Variants in C1QTNF3 observed in about 807,000 individuals in gnomAD.
The protein encoded by C1QTNF3 is C1q and TNF related 3, also known as complement C1q tumor necrosis factor-related protein 3.
Under a neutral mutation model 32.6 loss-of-function variants are expected in C1QTNF3, and 26 were observed. The observed-to-expected ratio is 0.80, with a 90% CI of 0.58 to 1.11. The LOEUF (loss-of-function observed/expected upper bound fraction) is 1.11. Among genes scored for constraint, C1QTNF3 ranks in the 50% least tolerant of loss-of-function variants. C1QTNF3 has a pLI of 0.00. For synonymous variants in C1QTNF3, 155 were observed against 146.0 expected, an observed-to-expected ratio of 1.06 and a Z score of -0.44; for missense variants, 362 against 398.2, an observed-to-expected ratio of 0.91 and a Z score of 0.77.
chr5:34,141,703 C>T, the C1QTNF3 span, among the ~76,000 whole-genome samples: 7 of 152,048 alleles, frequency 4.6e-5, no homozygotes, highest in Admixed American at 1.3e-4. Flanking sequence ...AAGTAGACAG[C>T]GGAATGGTGG....
At chr5:34,210,494 T>C in the C1QTNF3 span, among the ~76,000 whole-genome samples, 2 of 151,946 alleles carry the variant, frequency 1.3e-5, 1 homozygote, top group South Asian at 4.2e-4. Context: ...TCTTTCAGTT[T>C]GTGGCTGCTC....
chr5:34,063,616 G>C, the C1QTNF3 span, among the ~76,000 whole-genome samples: 3 of 152,164 alleles, frequency 2.0e-5, no homozygotes, highest in Admixed American at 6.5e-5. Context: ...TTGGGGTCCT[G>C]GCAAGGGTGG....
chr5:34,049,796 T>C, the C1QTNF3 span, among the ~76,000 whole-genome samples: 5 of 152,230 alleles, frequency 3.3e-5, no homozygotes, highest in South Asian at 6.2e-4. Context: ...GGAGGCAGAA[T>C]TGTTTCCTCT....
chr5:34,077,529 C>T, the C1QTNF3 span, among the ~76,000 whole-genome samples: 4 of 151,352 alleles, frequency 2.6e-5, no homozygotes, highest in Non-Finnish European at 5.9e-5. Context: ...AAAGTCAAAA[C>T]CTGGAATTAA....
At chr5:34,160,963 G>C in the C1QTNF3 span, among the ~76,000 whole-genome samples, 2 of 152,242 alleles carry the variant, frequency 1.3e-5, no homozygotes, top group South Asian at 4.1e-4. Context: ...TTCTTAATAA[G>C]AGTCTCATAG....
the C1QTNF3 span, among the ~76,000 whole-genome samples, chr5:34,061,174 T>A: frequency 1.6e-4 from 25 of 152,094 alleles, no homozygotes; most frequent in African/African-American, 6.0e-4. Flanking sequence ...TCCAAAATGC[T>A]CTCTTTTGAC....
At chr5:34,174,585 A>G in the C1QTNF3 span, among the ~76,000 whole-genome samples, 134 of 152,144 alleles carry the variant, frequency 8.8e-4, 1 homozygote, top group Middle Eastern at 0.01. Context: ...TAAGTAATGT[A>G]TTGTAACTCC....
the C1QTNF3 span, among the ~76,000 whole-genome samples, chr5:34,052,248 A>G: frequency 6.6e-6 from 1 of 152,232 alleles, no homozygotes. Flanking sequence ...CTCGATAGAC[A>G]TCCTTAACTA....
At chr5:34,074,221 A>G in the C1QTNF3 span, among the ~76,000 whole-genome samples, 1 of 149,228 alleles carries the variant, frequency 6.7e-6, no homozygotes, top group Non-Finnish European at 1.5e-5. Context: ...TGTCTACAAG[A>G]AAGATAAGAG....
chr5:34,089,722 C>T, the C1QTNF3 span, among the ~76,000 whole-genome samples: 1 of 152,190 alleles, frequency 6.6e-6, no homozygotes, highest in African/African-American at 2.4e-5. Flanking sequence ...AGCTAAGTGT[C>T]AAGCCATTAC....
chr5:34,241,562 C>T, the C1QTNF3 span, among the ~76,000 whole-genome samples: 1 of 151,008 alleles, frequency 6.6e-6, no homozygotes, highest in African/African-American at 2.4e-5. Flanking sequence ...AAAATAAAAT[C>T]CCTGCAAATA....
chr5:34,036,209 A>G (rs554926759), intron 1 of C1QTNF3, among the ~76,000 whole-genome samples: 1 of 152,170 alleles, frequency 6.6e-6, no homozygotes, highest in African/African-American at 2.4e-5. Context: ...AATGCTTACT[A>G]TATCCATGAT....
At chr5:34,032,147 G>A (rs1309418021) in intron 3 of C1QTNF3, among the ~76,000 whole-genome samples, 1 of 152,198 alleles carries the variant, frequency 6.6e-6, no homozygotes. Context: ...AAAAATGCTA[G>A]TTTTCAATGC....
the C1QTNF3 span, among the ~76,000 whole-genome samples, chr5:34,060,100 T>A: frequency 9.2e-3 from 1,404 of 152,348 alleles, 14 homozygotes; most frequent in South Asian, 0.055. Context: ...TATACCAGCT[T>A]TCTCAAAGAG....
chr5:34,042,778 C>T, intron 1 of C1QTNF3, 45 bp downstream of exon 1: 1 of 1,437,764 alleles, frequency 7.0e-7, no homozygotes, highest in Non-Finnish European at 9.5e-7. Context: ...AACAACAACA[C>T]TCATTAAGCT....
the C1QTNF3 span, among the ~76,000 whole-genome samples, chr5:34,224,325 A>T: frequency 3.9e-5 from 6 of 152,340 alleles, no homozygotes; most frequent in East Asian, 1.2e-3. Context: ...TGGAACCAAA[A>T]AAGAGCCCGC....
At chr5:34,243,428 G>T in the C1QTNF3 span, among the ~76,000 whole-genome samples, 1 of 152,154 alleles carries the variant, frequency 6.6e-6, no homozygotes, top group Non-Finnish European at 1.5e-5. Context: ...ACTTAAAACA[G>T]AGATACCCTT....
the C1QTNF3 span, among the ~76,000 whole-genome samples, chr5:34,052,979 T>C: frequency 4.6e-5 from 7 of 152,332 alleles, no homozygotes; most frequent in East Asian, 1.4e-3. Context: ...GGTGTTAAGT[T>C]TGGGAGGCTT....
chr5:34,216,599 A>C, the C1QTNF3 span, among the ~76,000 whole-genome samples: 1 of 152,332 alleles, frequency 6.6e-6, no homozygotes, highest in South Asian at 2.1e-4. Context: ...TTAACAAATC[A>C]AAGAAGTGGT....
Sources: allele counts gnomAD v4.1 joint callset (sites outside exome capture counted in the v4.1 genomes callset), GRCh38; gene constraint gnomAD v4.1.1; transcripts MANE v1.5; gene names NCBI Gene and HGNC (gene_info 2026-07-23, HGNC 2026-07-21).